The following BPIFB1 variants were observed in gnomAD, a reference collection of about 807,000 sequenced individuals.
BPIFB1 encodes BPI fold containing family B member 1.
Under a neutral mutation model 55.1 loss-of-function variants are expected in BPIFB1, and 34 were observed. That is an observed-to-expected ratio of 0.62 (90% CI 0.47 to 0.82). The LOEUF (loss-of-function observed/expected upper bound fraction) is 0.82, where lower values mean the gene tolerates loss of function less well. Ranked by LOEUF, BPIFB1 falls within the 40% of genes least tolerant of loss-of-function variation. BPIFB1 has a pLI of 0.00. For synonymous variants in BPIFB1, 236 were observed against 245.3 expected (o/e 0.96, Z 0.35); for missense variants, 532 against 593.1 (o/e 0.90, Z 1.07).
intron 5 of BPIFB1, 148 bp downstream of exon 5, chr20:33,291,254 TC>T: frequency 9.0e-7 from 1 of 1,112,802 alleles, no homozygotes; most frequent in Non-Finnish European, 1.2e-6. Flanking sequence ...TGGGGCTCCT[TC>T]CAGGGAATCT....
intron 11 of BPIFB1, 34 bp downstream of exon 11, chr20:33,303,108 CA>C (rs767010417): frequency 1.2e-5 from 20 of 1,609,784 alleles, no homozygotes; most frequent in Middle Eastern, 2.0e-4. Context: ...TGGCAGCAAC[CA>C]GGGGGACCCT....
At position 33,309,021 on chromosome 20, in the gene BPIFB1, G is replaced by C. The variant is rs879414237; in HGVS notation, c.1396-687G>C. 1.3e-5 allele frequency among the ~76,000 whole-genome samples: 2 copies of C among 152,014 alleles called. No homozygotes were observed. The highest frequency in any genetic ancestry group is 4.8e-5 in the African/African-American group (2 of 41,380). ...CCAGATGGTCTCAGCTCAAGGCCAG[G>C]ATCATGTCCATCTTGTCCATGCCTC... On this transcript the variant is annotated intron_variant, in intron 15 of 15. Coordinates refer to ENST00000253354, the MANE Select transcript of BPIFB1 (RefSeq NM_033197.3). The surrounding 1 kb of genome is among the most constrained non-coding windows in gnomAD (Gnocchi z 4.4).
chr20:33,290,269 A>T (rs1980421808), intron 4 of BPIFB1, among the ~76,000 whole-genome samples: 1 of 152,188 alleles, frequency 6.6e-6, no homozygotes, highest in South Asian at 2.1e-4. Context: ...GCTTTTGCTG[A>T]GTAGGACGGG....
At chr20:33,288,197 T>C (rs1980334086) in intron 2 of BPIFB1, among the ~76,000 whole-genome samples, 4 of 152,198 alleles carry the variant, frequency 2.6e-5, no homozygotes, top group Non-Finnish European at 5.9e-5. Context: ...AGATGGGCTC[T>C]AGCTGCTCAC....
At chr20:33,299,805 G>T in intron 7 of BPIFB1, 94 bp from the exon 8 acceptor site, 2 of 941,676 alleles carry the variant, frequency 2.1e-6, no homozygotes, top group Non-Finnish European at 1.7e-6. Flanking sequence ...GCCCCCCCAT[G>T]CAACAGTACA....
At chr20:33,304,584 CTCCTTG>C (rs1980959746) in intron 12 of BPIFB1, among the ~76,000 whole-genome samples, 1 of 152,174 alleles carries the variant, frequency 6.6e-6, no homozygotes, top group South Asian at 2.1e-4. Flanking sequence ...GAGCTTGGGC[CTCCTTG>C]TCCACCACAG....
chr20:33,305,810 G>A (rs919745677), intron 13 of BPIFB1, among the ~76,000 whole-genome samples, 192 bp from the exon 14 acceptor site: 3 of 151,902 alleles, frequency 2.0e-5, no homozygotes, highest in African/African-American at 7.3e-5. Flanking sequence ...CCCCAGGGGC[G>A]GCTGAGTTCA....
At chr20:33,305,075 A>T (rs1980979893) in intron 13 of BPIFB1, among the ~76,000 whole-genome samples, 184 bp downstream of exon 13, 1 of 152,182 alleles carries the variant, frequency 6.6e-6, no homozygotes, top group South Asian at 2.1e-4. Flanking sequence ...CACGTGTCAG[A>T]CACAGCTGAG....
intron 10 of BPIFB1, 184 bp from the exon 11 acceptor site, chr20:33,302,732 A>G (rs560793493): frequency 2.9e-6 from 2 of 701,040 alleles, no homozygotes; most frequent in South Asian, 1.9e-5. Flanking sequence ...AGGGAACAGG[A>G]GACCAAAGGC....
intron 2 of BPIFB1, among the ~76,000 whole-genome samples, chr20:33,287,589 G>A (rs910763218): frequency 1.3e-5 from 2 of 152,206 alleles, no homozygotes; most frequent in Non-Finnish European, 2.9e-5. Flanking sequence ...TTTGTAGAGG[G>A]TGTGGTTGAA....
chr20:33,285,153 G>A (rs1326439610), intron 1 of BPIFB1, among the ~76,000 whole-genome samples: 3 of 152,138 alleles, frequency 2.0e-5, no homozygotes, highest in Non-Finnish European at 4.4e-5. Context: ...AGGATGAATA[G>A]GAGTTCATCA....
At chr20:33,299,168 C>G (rs1379517271) in intron 7 of BPIFB1, 1 of 456,620 alleles carries the variant, frequency 2.2e-6, no homozygotes, top group African/African-American at 2.0e-5. Flanking sequence ...GGGGCTCAAA[C>G]CGAAGTCCAG....
chr20:33,299,904 A>G lies in BPIFB1; in HGVS notation c.667A>G (p.Ile223Val). The part of the protein sequence containing the change: ...ADLLQLVKVP[I>V]SLSIDRLEFD... ...TTCTTCTTGTCCTTGAGCAGTGCCC[A>G]TTTCCCTCAGCATTGACCGTCTGGA... Residue 223 changes from isoleucine (I) to valine (V), a missense_variant, in exon 8 of 16, where the codon ATT becomes GTT. By Grantham distance (29) the Ile-to-Val change is conservative. Coordinates refer to ENST00000253354, the MANE Select transcript of BPIFB1 (RefSeq NM_033197.3). 6.2e-7 allele frequency: 1 copy of G among 1,613,010 alleles called. No individual in the cohort carries two copies. Among genetic ancestry groups the G allele is most frequent in the Non-Finnish European group, 8.5e-7 (1 of 1,179,698 alleles).
chr20:33,304,348 T>C (rs936175532), intron 12 of BPIFB1, among the ~76,000 whole-genome samples: 1 of 152,044 alleles, frequency 6.6e-6, no homozygotes, highest in African/African-American at 2.4e-5. Context: ...CTGCCTGTTC[T>C]CCCTCCCCGC....
intron 9 of BPIFB1, 55 bp from the exon 10 acceptor site, chr20:33,302,304 A>G (rs1980879042): frequency 1.9e-6 from 3 of 1,571,304 alleles, no homozygotes; most frequent in Non-Finnish European, 2.6e-6. Context: ...GGGGTGCAGG[A>G]GATGTGCCTC....
chr20:33,285,847 C>T (rs1376321318), intron 1 of BPIFB1, among the ~76,000 whole-genome samples, 186 bp from the exon 2 acceptor site: 1 of 152,224 alleles, frequency 6.6e-6, no homozygotes, highest in Non-Finnish European at 1.5e-5. Flanking sequence ...GGGTCATTAT[C>T]CCCATTTGTC....
rs919175021 is a variant in BPIFB1 at position 33,297,386 on chromosome 20, C to T, written c.598-139C>T. The T allele has an allele frequency of 1.1e-5, 10 of 870,670 alleles. No individual in the cohort carries two copies. In the Admixed American group the frequency reaches 1.4e-4, roughly 12 times the overall value. The allele number at this position is 870,670 out of a possible 1,614,324, so 53.9% of individuals were successfully genotyped here. A position where few individuals can be genotyped will look rare whatever the true frequency, so the allele number is the denominator to read the frequency against. The stretch of plus-strand genomic sequence containing the variant: ...GCTGGGTTCAACACACGAATGAATC[C>T]TCAACCCATGGATGGAACCTGGCTG... On this transcript the variant is annotated intron_variant, in intron 6 of 15. Transcript: ENST00000253354.
chr20:33,301,675 G>C (rs1229764501), intron 9 of BPIFB1, among the ~76,000 whole-genome samples: 1 of 152,166 alleles, frequency 6.6e-6, no homozygotes, highest in African/African-American at 2.4e-5. Flanking sequence ...AAATCAAAAG[G>C]CATCTTAGAT....
At chr20:33,300,214 G>A (rs867914083) in intron 8 of BPIFB1, among the ~76,000 whole-genome samples, 6 of 152,108 alleles carry the variant, frequency 3.9e-5, no homozygotes, top group South Asian at 2.1e-4. Context: ...GGGGGGGCCC[G>A]AGTGGGGACA....
Sources: gnomAD v4.1 joint callset for allele counts (sites outside exome capture counted in the v4.1 genomes callset) on GRCh38, gnomAD v4.1.1 for gene constraint, Gnocchi (gnomAD v3.1) non-coding constraint, MANE v1.5 for transcripts, NCBI Gene and HGNC (gene_info 2026-07-23, HGNC 2026-07-21) for gene names.